Variants in GUCY2F observed in about 807,000 individuals in gnomAD.
GUCY2F encodes guanylate cyclase 2F, retinal, also known as retinal guanylyl cyclase 2.
GUCY2F carries 61 observed loss-of-function variants against 73.1 expected under a neutral mutation model. That is an observed-to-expected ratio of 0.83 (90% CI 0.68 to 1.03). The LOEUF is 1.03. Among genes scored for constraint, GUCY2F ranks in the 50% least tolerant of loss-of-function variants. GUCY2F has a pLI of 0.00. For missense variants in GUCY2F, 912 were observed against 854.3 expected (o/e 1.07, Z -0.84); for synonymous variants, 331 against 307.8 (o/e 1.08, Z -0.79).
intron 3 of GUCY2F, among the ~76,000 whole-genome samples, chrX:109,464,442 C>T (rs1489349980): frequency 8.9e-6 from 1 of 112,506 alleles, no homozygotes; most frequent in African/African-American, 3.2e-5. Flanking sequence ...CACCCACTTA[C>T]TCATTCCTCC....
chrX:109,382,686 ACAT>A (rs1191718885), intron 16 of GUCY2F, among the ~76,000 whole-genome samples: 3 of 112,293 alleles, frequency 2.7e-5, no homozygotes, highest in African/African-American at 9.7e-5. Context: ...TAAAAATAAA[ACAT>A]CAATGAGAAA....
chrX:109,420,285 G>C (rs1184672227), intron 8 of GUCY2F, among the ~76,000 whole-genome samples: 4 of 99,982 alleles, frequency 4.0e-5, no homozygotes, highest in Non-Finnish European at 8.2e-5. Context: ...GAGGGGGAAA[G>C]AGAGAGAGAG....
chrX:109,406,063 G>A (rs1384596328), intron 9 of GUCY2F, among the ~76,000 whole-genome samples: 1 of 111,645 alleles, frequency 9.0e-6, no homozygotes, highest in African/African-American at 3.3e-5. Flanking sequence ...TGATCAGTAT[G>A]CAGGAAGCCC....
chrX:109,408,766 C>G (rs1292295196), intron 9 of GUCY2F, among the ~76,000 whole-genome samples: 1 of 111,823 alleles, frequency 8.9e-6, no homozygotes, highest in Non-Finnish European at 1.9e-5. Context: ...CCTTTCACCT[C>G]CTGCCATGAT....
intron 3 of GUCY2F, among the ~76,000 whole-genome samples, chrX:109,460,839 A>G (rs1367994882): frequency 8.9e-6 from 1 of 112,069 alleles, no homozygotes; most frequent in Non-Finnish European, 1.9e-5. Flanking sequence ...AAGGTATTTA[A>G]TAGGCTTTAC....
intron 10 of GUCY2F, among the ~76,000 whole-genome samples, chrX:109,400,536 G>T (rs1930816059): frequency 8.9e-6 from 1 of 111,932 alleles, no homozygotes; most frequent in Non-Finnish European, 1.9e-5. Flanking sequence ...GCAAAACCCA[G>T]GAAAGAGAAA....
chrX:109,391,573 C>T (rs188233485), intron 14 of GUCY2F, among the ~76,000 whole-genome samples: 187 of 111,823 alleles, frequency 1.7e-3, no homozygotes, highest in African/African-American at 5.6e-3. Context: ...GTGCCTAGTA[C>T]AGTACTGCCT....
chrX:109,443,656 T>C (rs59742274), intron 6 of GUCY2F, among the ~76,000 whole-genome samples: 6,466 of 111,601 alleles, frequency 0.058, 427 homozygotes, highest in African/African-American at 0.19. Flanking sequence ...TAGACTACAC[T>C]GGACTATTGC....
intron 16 of GUCY2F, among the ~76,000 whole-genome samples, 171 bp from the exon 17 acceptor site, chrX:109,382,383 T>C (rs1360417178): frequency 1.8e-5 from 2 of 112,388 alleles, no homozygotes; most frequent in Non-Finnish European, 3.8e-5. Context: ...GATGGCCTTC[T>C]TCACCAGGCC....
intron 8 of GUCY2F, among the ~76,000 whole-genome samples, chrX:109,415,732 G>A (rs1231049521): frequency 8.9e-6 from 1 of 111,987 alleles, no homozygotes; most frequent in African/African-American, 3.2e-5. Context: ...TCTTTGATTC[G>A]ATTAATGTGA....
At chrX:109,446,289 G>A (rs1340980693) in intron 6 of GUCY2F, among the ~76,000 whole-genome samples, 2 of 111,726 alleles carry the variant, frequency 1.8e-5, no homozygotes. Context: ...AAGTTCATAT[G>A]GAACCAAAAA....
At chrX:109,479,859 T>C (rs1932753812) in intron 1 of GUCY2F, among the ~76,000 whole-genome samples, 1 of 110,773 alleles carries the variant, frequency 9.0e-6, no homozygotes, top group Non-Finnish European at 1.9e-5. Context: ...GTTGAGAAGT[T>C]GGTCTGTGCT....
At chrX:109,456,506 T>G (rs1932262827) in intron 3 of GUCY2F, among the ~76,000 whole-genome samples, 1 of 111,015 alleles carries the variant, frequency 9.0e-6, no homozygotes, top group African/African-American at 3.3e-5. Context: ...CACCTCTGAG[T>G]TGATCCAACA....
At chrX:109,395,713 G>A (rs781735065) in intron 11 of GUCY2F, among the ~76,000 whole-genome samples, 15 of 111,796 alleles carry the variant, frequency 1.3e-4, no homozygotes, top group African/African-American at 4.6e-4. Flanking sequence ...TGGACTCTTG[G>A]TATCATTTAG....
intron 12 of GUCY2F, 119 bp from the exon 13 acceptor site, chrX:109,393,174 C>A (rs751467848): frequency 4.3e-6 from 2 of 469,318 alleles, no homozygotes; most frequent in Non-Finnish European, 7.4e-6. Flanking sequence ...GAAAGGTGAA[C>A]CCAGATATAA....
intron 16 of GUCY2F, chrX:109,383,310 A>G (rs1263110784): frequency 2.5e-5 from 8 of 319,788 alleles, no homozygotes; most frequent in Non-Finnish European, 3.3e-5. Context: ...CTTTCAGTAG[A>G]GTAATCTTGA....
At chrX:109,430,907 G>A (rs1396077452) in intron 7 of GUCY2F, among the ~76,000 whole-genome samples, 2 of 111,007 alleles carry the variant, frequency 1.8e-5, no homozygotes, top group African/African-American at 6.6e-5. Context: ...GTATGGAGGG[G>A]GGGCTGTCTT....
At chrX:109,471,730 T>C (rs1932578937) in intron 2 of GUCY2F, among the ~76,000 whole-genome samples, 1 of 112,594 alleles carries the variant, frequency 8.9e-6, no homozygotes, top group African/African-American at 3.2e-5. Context: ...TGAATCCCCC[T>C]ACTCTGAGAC....
At chrX:109,418,557 T>A (rs1252287246) in intron 8 of GUCY2F, among the ~76,000 whole-genome samples, 1 of 111,419 alleles carries the variant, frequency 9.0e-6, no homozygotes, top group Non-Finnish European at 1.9e-5. Flanking sequence ...AAATAATACA[T>A]GGGTCAAAAA....
Sources: gnomAD v4.1 joint callset for allele counts (sites outside exome capture counted in the v4.1 genomes callset) on GRCh38, gnomAD v4.1.1 for gene constraint, MANE v1.5 for transcripts, NCBI Gene and HGNC (gene_info 2026-07-23, HGNC 2026-07-21) for gene names.